The following GRM7 variants were observed in gnomAD, a reference collection of about 807,000 sequenced individuals.
GRM7 encodes metabotropic glutamate receptor 7.
A neutral mutation model predicts 84.5 loss-of-function variants in GRM7; 35 were observed. The ratio of observed to expected loss-of-function variants is 0.41; its 90% CI spans 0.32 to 0.55. GRM7 has a LOEUF of 0.55. Ranked by LOEUF, GRM7 falls within the 20% of genes least tolerant of loss-of-function variation. GRM7 has a pLI of 0.19. For synonymous variants in GRM7, 487 were observed against 455.1 expected (o/e 1.07, Z -0.89); for missense variants, 1,003 against 1,194.6 (o/e 0.84, Z 2.36).
At position 6,961,681 on chromosome 3, in the gene GRM7, T is replaced by G. The variant is rs554530496; in HGVS notation, c.519+99774T>G. On this transcript the variant is annotated intron_variant, in intron 1 of 9. Coordinates refer to ENST00000357716, the MANE Select transcript of GRM7 (RefSeq NM_000844.4). Reference sequence around the variant, plus strand: ...CACAATCAAAAGAAAACGCCTTACCTTCCTACAACCAAATCTACTGGCCCA... The same window carrying G: ...CACAATCAAAAGAAAACGCCTTACCGTCCTACAACCAAATCTACTGGCCCA... 3.9e-5 allele frequency among the ~76,000 whole-genome samples: 6 copies of G among 152,318 alleles called. No homozygotes were observed. In the South Asian group the frequency reaches 1.2e-3, roughly 32 times the overall value.
At chr3:7,480,153 C>T (rs1317366360) in intron 7 of GRM7, among the ~76,000 whole-genome samples, 5 of 152,256 alleles carry the variant, frequency 3.3e-5, no homozygotes, top group East Asian at 1.9e-4. Context: ...CAGAGTCTAA[C>T]CAGACAAGAA....
intron 1 of GRM7, among the ~76,000 whole-genome samples, chr3:7,085,427 A>G (rs1698420725): frequency 6.6e-6 from 1 of 152,198 alleles, no homozygotes; most frequent in Non-Finnish European, 1.5e-5. Flanking sequence ...TTGGTATAGA[A>G]TTAAGAATGT....
In GRM7 at chr3:7,067,836, C is replaced by G. The variant is rs984174466; in HGVS notation, c.520-78616C>G. Among the ~76,000 whole-genome samples, 12 of 151,968 alleles carry G rather than the reference C, an allele frequency of 7.9e-5. 1 individual carries two copies. Among genetic ancestry groups the G allele is most frequent in the Admixed American group, 3.9e-4 (6 of 15,206 alleles). ...AGCTAGCCAATTTGTACCATAATACCCCACCTTTTAGTATTGGATTACCTT... is the reference window on the plus strand; with the variant it reads ...AGCTAGCCAATTTGTACCATAATACGCCACCTTTTAGTATTGGATTACCTT... On this transcript the variant is annotated intron_variant, in intron 1 of 9. Coordinates refer to ENST00000357716, the MANE Select transcript of GRM7 (RefSeq NM_000844.4).
At chr3:6,987,655 G>A (rs562928874) in intron 1 of GRM7, among the ~76,000 whole-genome samples, 21 of 152,332 alleles carry the variant, frequency 1.4e-4, no homozygotes, top group African/African-American at 5.1e-4. Flanking sequence ...CTAGTTCCTT[G>A]TAAGCCACTG....
chr3:7,580,922 G>T (rs1355330121), intron 8 of GRM7, among the ~76,000 whole-genome samples: 1 of 152,012 alleles, frequency 6.6e-6, no homozygotes, highest in Non-Finnish European at 1.5e-5. Context: ...GTGCTCGTAA[G>T]TTGATAACTA....
intron 8 of GRM7, among the ~76,000 whole-genome samples, chr3:7,633,185 G>T (rs940748727): frequency 6.6e-6 from 1 of 152,224 alleles, no homozygotes; most frequent in Non-Finnish European, 1.5e-5. Context: ...TTGTGGCCAG[G>T]TGCTGCCAAG....
At chr3:7,028,134 T>C (rs1324453944) in intron 1 of GRM7, among the ~76,000 whole-genome samples, 1 of 152,218 alleles carries the variant, frequency 6.6e-6, no homozygotes, top group Non-Finnish European at 1.5e-5. Flanking sequence ...TTTCACCAGT[T>C]TCCCAGTGCT....
intron 1 of GRM7, among the ~76,000 whole-genome samples, chr3:7,141,433 A>G (rs1316538316): frequency 6.6e-6 from 1 of 152,126 alleles, no homozygotes; most frequent in Non-Finnish European, 1.5e-5. Flanking sequence ...AGCAAGAATG[A>G]ACAACCAAAT....
intron 5 of GRM7, among the ~76,000 whole-genome samples, chr3:7,438,979 G>A (rs1330427252): frequency 6.6e-6 from 1 of 152,152 alleles, no homozygotes; most frequent in Non-Finnish European, 1.5e-5. Flanking sequence ...TCAATGTATA[G>A]ATGTAGAATT....
At chr3:7,046,582 C>T (rs1337146459) in intron 1 of GRM7, among the ~76,000 whole-genome samples, 2 of 152,040 alleles carry the variant, frequency 1.3e-5, no homozygotes. Context: ...TTTGTTACTT[C>T]CAGGCTATTT....
chr3:7,315,642 A>G (rs79329580), intron 4 of GRM7, among the ~76,000 whole-genome samples: 2,235 of 152,310 alleles, frequency 0.015, 48 homozygotes, highest in African/African-American at 0.05. Flanking sequence ...GGAACCCTAT[A>G]TGAGGATCCC....
intron 4 of GRM7, among the ~76,000 whole-genome samples, chr3:7,385,318 T>TTTA (rs1694743399): frequency 1.1e-5 from 1 of 89,206 alleles, no homozygotes; most frequent in African/African-American, 5.0e-5. Context: ...TTTTTTTTTT[T>TTTA]AAGACAGAGT....
chr3:7,344,053 G>T (rs1375643117), intron 4 of GRM7, among the ~76,000 whole-genome samples: 2 of 151,812 alleles, frequency 1.3e-5, no homozygotes, highest in African/African-American at 4.8e-5. Context: ...CATATAAAAA[G>T]ATATACATAC....
chr3:7,136,870 C>G (rs1693790157), intron 1 of GRM7, among the ~76,000 whole-genome samples: 2 of 152,084 alleles, frequency 1.3e-5, no homozygotes, highest in Non-Finnish European at 2.9e-5. Context: ...GAAGAATAAA[C>G]AGATAATGAT....
intron 2 of GRM7, among the ~76,000 whole-genome samples, chr3:7,239,465 C>A (rs542178744): frequency 4.6e-5 from 7 of 152,190 alleles, no homozygotes; most frequent in African/African-American, 7.2e-5. Flanking sequence ...TATGGACTGA[C>A]CATGAACATA....
chr3:7,656,831 A>G (rs977620023), intron 8 of GRM7, among the ~76,000 whole-genome samples: 2 of 152,206 alleles, frequency 1.3e-5, no homozygotes, highest in African/African-American at 2.4e-5. Flanking sequence ...TGTGCCTTTA[A>G]ATATCAGGAT....
chr3:6,989,976 C>T (rs1037299970), intron 1 of GRM7, among the ~76,000 whole-genome samples: 1 of 152,226 alleles, frequency 6.6e-6, no homozygotes, highest in African/African-American at 2.4e-5. Flanking sequence ...GCTCCTCTTT[C>T]CTCAGTTGCT....
intron 7 of GRM7, among the ~76,000 whole-genome samples, chr3:7,515,358 G>A (rs1700339550): frequency 6.6e-6 from 1 of 152,100 alleles, no homozygotes; most frequent in African/African-American, 2.4e-5. Context: ...TTTAGCTTTG[G>A]CAGCATCCCT....
At chr3:6,939,059 G>GT (rs1559339873) in intron 1 of GRM7, among the ~76,000 whole-genome samples, 2 of 152,042 alleles carry the variant, frequency 1.3e-5, no homozygotes, top group East Asian at 1.9e-4. Context: ...GTTTCATTTT[G>GT]ATTTTTTCTG....
Sources: gnomAD v4.1 joint callset for allele counts (sites outside exome capture counted in the v4.1 genomes callset) on GRCh38, gnomAD v4.1.1 for gene constraint, MANE v1.5 for transcripts, NCBI Gene and HGNC (gene_info 2026-07-23, HGNC 2026-07-21) for gene names.